Variants in PREX2 observed in about 807,000 individuals in gnomAD.
PREX2 encodes phosphatidylinositol-3,4,5-trisphosphate dependent Rac exchange factor 2, also known as phosphatidylinositol 3,4,5-trisphosphate-dependent Rac exchanger 2 protein.
A neutral mutation model predicts 203.2 loss-of-function variants in PREX2; 107 were observed. The observed-to-expected ratio is 0.53, with a 90% CI of 0.45 to 0.62. The LOEUF (loss-of-function observed/expected upper bound fraction) is 0.62. PREX2 is among the 20% of genes least tolerant of loss of function. The pLI is 0.00. For synonymous variants in PREX2, 672 were observed against 663.6 expected, an observed-to-expected ratio of 1.01 and a Z score of -0.19; for missense variants, 1,777 against 1,955.9, an observed-to-expected ratio of 0.91 and a Z score of 1.72.
chr8:68,136,037 G>A (rs1811107256), intron 32 of PREX2, among the ~76,000 whole-genome samples: 1 of 152,124 alleles, frequency 6.6e-6, no homozygotes, highest in Admixed American at 6.5e-5. Flanking sequence ...CATTTTAGAG[G>A]CAGAAAGTAG....
intron 1 of PREX2, among the ~76,000 whole-genome samples, chr8:68,004,126 A>G (rs1807025773): frequency 6.6e-6 from 1 of 152,190 alleles, no homozygotes; most frequent in Admixed American, 6.5e-5. Flanking sequence ...TGGCAGTGAG[A>G]GAGCTGGAGC....
At chr8:68,029,717 T>A (rs930780409) in intron 5 of PREX2, among the ~76,000 whole-genome samples, 5 of 152,178 alleles carry the variant, frequency 3.3e-5, no homozygotes, top group African/African-American at 9.7e-5. Context: ...TGGTCCCAAC[T>A]GTCTAGACAG....
chr8:67,964,615 C>T (rs1805717153), intron 1 of PREX2, among the ~76,000 whole-genome samples: 1 of 152,044 alleles, frequency 6.6e-6, no homozygotes, highest in Middle Eastern at 3.2e-3. Flanking sequence ...CCAGAGCTCT[C>T]AAGGTTGTTT....
chr8:68,024,107 A>G (rs7006340), intron 4 of PREX2, among the ~76,000 whole-genome samples: 69,679 of 151,800 alleles, frequency 0.46, 20,142 homozygotes, highest in African/African-American at 0.83. Flanking sequence ...TGATTTTTTT[A>G]GTAGATGTTC....
At position 68,125,794 on chromosome 8, in the gene PREX2, T is replaced by A. The variant is rs563715165; in HGVS notation, c.3725-1584T>A. Among the ~76,000 whole-genome samples, 4 of 152,222 alleles carry A rather than the reference T, an allele frequency of 2.6e-5. No individual in the cohort carries two copies. The South Asian group carries it at 8.3e-4, about 32-fold the overall frequency. On this transcript the variant is annotated intron_variant, in intron 30 of 39. Transcript: ENST00000288368. ...TTAGCAACCTATATTTTAGAAAGTTTTTTCCCTGCATTTGTCCCAATATTC... is the reference window on the plus strand; with the variant it reads ...TTAGCAACCTATATTTTAGAAAGTTATTTCCCTGCATTTGTCCCAATATTC...
Position 68,053,189 on chromosome 8 carries a change from C to G in PREX2, c.1036C>G (p.Pro346Ala). 1 of 1,613,438 alleles carries G rather than the reference C, an allele frequency of 6.2e-7. No individual in the cohort carries two copies. The highest frequency in any genetic ancestry group is 8.5e-7 in the Non-Finnish European group (1 of 1,179,676). ...ATGGTTTGTTTGTATGGCAAAAACA[C>G]CTGAAGAGAAGCATGAATGGTTTGA... ...NKWFVCMAKTPEEKHEWFEAI... is the reference protein window; with the variant it reads ...NKWFVCMAKTAEEKHEWFEAI... The change falls in exon 9 of 40, where the codon CCT becomes GCT. Residue 346 changes from proline (P) to alanine (A), a missense_variant. By Grantham distance (27) the Pro-to-Ala change is conservative. Transcript: ENST00000288368.
chr8:68,084,524 T>C (rs186132180), intron 18 of PREX2, among the ~76,000 whole-genome samples: 3 of 152,306 alleles, frequency 2.0e-5, no homozygotes, highest in Non-Finnish European at 4.4e-5. Context: ...TGCAGTGGGC[T>C]GGGTTCTCCC....
intron 1 of PREX2, among the ~76,000 whole-genome samples, chr8:67,982,423 T>TA (rs200083258): frequency 2.6e-5 from 4 of 151,256 alleles, no homozygotes; most frequent in East Asian, 1.9e-4. Context: ...ACCCTGTCTC[T>TA]AAAAAAAAAT....
intron 1 of PREX2, among the ~76,000 whole-genome samples, chr8:67,975,862 C>A (rs1320292079): frequency 7.0e-6 from 1 of 143,052 alleles, no homozygotes; most frequent in African/African-American, 2.6e-5. Flanking sequence ...TGCCACCATG[C>A]CCGGCTAATT....
At chr8:68,041,387 T>C (rs1250401769) in intron 7 of PREX2, among the ~76,000 whole-genome samples, 5 of 152,124 alleles carry the variant, frequency 3.3e-5, no homozygotes, top group Non-Finnish European at 7.4e-5. Context: ...ATGATGATGA[T>C]ATATGGTAAT....
intron 1 of PREX2, among the ~76,000 whole-genome samples, chr8:67,954,610 A>G (rs1170780113): frequency 6.6e-6 from 1 of 152,208 alleles, no homozygotes; most frequent in Admixed American, 6.5e-5. Flanking sequence ...GTTATTTTTA[A>G]AAGTTAGCCA....
chr8:68,042,120 A>G (rs60405937), intron 7 of PREX2, among the ~76,000 whole-genome samples: 13,591 of 152,082 alleles, frequency 0.089, 1,964 homozygotes, highest in African/African-American at 0.3. Flanking sequence ...TCACCTCAGC[A>G]TATGCTTTCT....
At chr8:67,976,065 C>G (rs1806074890) in intron 1 of PREX2, among the ~76,000 whole-genome samples, 1 of 151,926 alleles carries the variant, frequency 6.6e-6, no homozygotes, top group Admixed American at 6.6e-5. Flanking sequence ...TTCTTCTATA[C>G]TTTTAGGCTT....
chr8:67,957,193 G>A (rs1048834953), intron 1 of PREX2, among the ~76,000 whole-genome samples: 17 of 152,082 alleles, frequency 1.1e-4, no homozygotes, highest in Middle Eastern at 3.4e-3. Context: ...ACTTCTCTTC[G>A]TTTCCTCCTT....
At position 68,069,112 on chromosome 8, in the gene PREX2, T is replaced by A. The variant is rs1809111489; in HGVS notation, c.1419T>A (p.Asn473Lys). The change falls in exon 12 of 40, where the codon AAT becomes AAA. Residue 473 changes from asparagine to lysine, a missense_variant. Physicochemically the swap from Asn to Lys is moderately conservative, Grantham distance 94. Transcript: ENST00000288368. ...ATGATGGAACATTTTATCCAAGAAA[T>A]GAGATGCAGGACGTGATTTCAAAGG... ...RYDDGTFYPRNEMQDVISKGV... is the reference protein window; with the variant it reads ...RYDDGTFYPRKEMQDVISKGV... The A allele has an allele frequency of 6.4e-7, 1 of 1,571,298 alleles. No individual in the cohort carries two copies. Among genetic ancestry groups the A allele is most frequent in the African/African-American group, 1.4e-5 (1 of 72,494 alleles).
chr8:68,101,674 GT>G (rs544120666), intron 23 of PREX2, among the ~76,000 whole-genome samples: 3 of 152,150 alleles, frequency 2.0e-5, no homozygotes, highest in Non-Finnish European at 4.4e-5. Context: ...TTTCGAAGAA[GT>G]TTTGAAAAAG....
chr8:68,157,885 T>C (rs1295429838), intron 35 of PREX2, among the ~76,000 whole-genome samples: 1 of 151,866 alleles, frequency 6.6e-6, no homozygotes, highest in Admixed American at 6.6e-5. Flanking sequence ...ATTGGAAAAA[T>C]ATGTACTTTC....
intron 18 of PREX2, 26 bp from the exon 19 acceptor site, chr8:68,087,698 C>T (rs954346678): frequency 2.6e-6 from 4 of 1,549,650 alleles, no homozygotes; most frequent in Non-Finnish European, 3.6e-6. Flanking sequence ...TACGCTTCAT[C>T]TTACCTTATT....
chr8:67,994,119 GT>G (rs1173149051), intron 1 of PREX2, among the ~76,000 whole-genome samples: 1 of 152,182 alleles, frequency 6.6e-6, no homozygotes, highest in African/African-American at 2.4e-5. Flanking sequence ...CCTGTCTACT[GT>G]TATCTGGTCC....
Sources: allele counts gnomAD v4.1 joint callset (sites outside exome capture counted in the v4.1 genomes callset), GRCh38; gene constraint gnomAD v4.1.1; transcripts MANE v1.5; gene names NCBI Gene and HGNC (gene_info 2026-07-23, HGNC 2026-07-21).